RTN4: variants seen among roughly 807,000 people sequenced by gnomAD.
RTN4 encodes reticulon 4, also known as reticulon-4.
RTN4 carries 32 observed loss-of-function variants against 90.4 expected under a neutral mutation model. That is an observed-to-expected ratio of 0.35 (90% CI 0.27 to 0.48). The LOEUF is 0.48. Among genes scored for constraint, RTN4 ranks in the 20% least tolerant of loss-of-function variants. RTN4 has a pLI of 0.99. For missense variants in RTN4, 1,706 were observed against 1,430.2 expected, an observed-to-expected ratio of 1.19 and a Z score of -3.11; for synonymous variants, 629 against 552.5, an observed-to-expected ratio of 1.14 and a Z score of -1.94.
chr2:55,048,539 G>T (rs948123980), intron 1 of RTN4, among the ~76,000 whole-genome samples: 2 of 150,756 alleles, frequency 1.3e-5, no homozygotes, highest in African/African-American at 4.9e-5. Context: ...AGATACAAAC[G>T]CATTACCCTA....
intron 2 of RTN4, among the ~76,000 whole-genome samples, chr2:55,071,084 C>A (rs1292370333): frequency 6.7e-6 from 1 of 149,060 alleles, no homozygotes; most frequent in East Asian, 2.0e-4. Context: ...CCTTTTTTTT[C>A]TTCTTTTTTT....
chr2:55,119,271 C>A, the RTN4 span, among the ~76,000 whole-genome samples: 1 of 152,290 alleles, frequency 6.6e-6, no homozygotes, highest in South Asian at 2.1e-4. Flanking sequence ...ATTACTCAAT[C>A]TAAAGTTTTG....
chr2:55,034,702 G>A (rs1273493836), intron 1 of RTN4, among the ~76,000 whole-genome samples: 1 of 152,024 alleles, frequency 6.6e-6, no homozygotes, highest in Non-Finnish European at 1.5e-5. Context: ...TGGCAAAAAT[G>A]GTAAATATAT....
chr2:55,113,483 G>T (rs1668072857), upstream of RTN4, among the ~76,000 whole-genome samples: 1 of 152,222 alleles, frequency 6.6e-6, no homozygotes, highest in Admixed American at 6.5e-5. Context: ...GCTTCTGTCT[G>T]TCTCTCTGAA....
rs144607808 is a variant in RTN4, at chr2:55,016,741, G to C, written c.3013+8345C>G. Among the ~76,000 whole-genome samples the C allele has an allele frequency of 1.2e-3, 182 of 152,142 alleles. 2 individuals are homozygous for C. The highest frequency in any genetic ancestry group is 2.1e-3 in the Non-Finnish European group (141 of 67,996). On this transcript the variant is annotated intron_variant, in intron 3 of 8. Coordinates refer to ENST00000337526, the MANE Select transcript of RTN4 (RefSeq NM_020532.5). ...CAAATTTGTACAATGAGCGTGTATT[G>C]TATGTCAGACTGCTTCATAAACTGT...
At position 55,107,031 on chromosome 2, in the gene RTN4, T is replaced by G. The variant is rs556787410; in HGVS notation, c.-214+5489A>C. On this transcript the variant is annotated intron_variant, in intron 1 of 3. Coordinates refer to the RTN4 transcript ENST00000427710. ...AATTAAGCAGACCCAGCATTGGCAG[T>G]GTAGCTGTAACTTTCTGATGTTAAT... Among the ~76,000 whole-genome samples, 5 of 152,234 alleles carry G rather than the reference T, an allele frequency of 3.3e-5. 1 individual carries two copies. Among genetic ancestry groups the G allele is most frequent in the African/African-American group, 1.2e-4 (5 of 41,508 alleles).
chr2:54,994,454 T>C (rs1679261374), intron 3 of RTN4, among the ~76,000 whole-genome samples: 1 of 152,140 alleles, frequency 6.6e-6, no homozygotes, highest in South Asian at 2.1e-4. Context: ...CAATAAATCA[T>C]ATTAATAGGA....
At chr2:55,108,923 TA>T (rs1558883471) in intron 1 of RTN4, among the ~76,000 whole-genome samples, 1 of 152,068 alleles carries the variant, frequency 6.6e-6, no homozygotes, top group East Asian at 1.9e-4. Context: ...AACACATCCC[TA>T]AGGAAACTCT....
At chr2:55,016,107 G>T (rs1317636770) in intron 3 of RTN4, among the ~76,000 whole-genome samples, 2 of 152,096 alleles carry the variant, frequency 1.3e-5, no homozygotes, top group Admixed American at 1.3e-4. Flanking sequence ...TCCAACAATA[G>T]CAAAGTGACT....
At chr2:55,059,903 C>A (rs1668258907) in intron 2 of RTN4, among the ~76,000 whole-genome samples, 1 of 151,998 alleles carries the variant, frequency 6.6e-6, no homozygotes, top group Admixed American at 6.6e-5. Context: ...GTCTCTAACT[C>A]CTGGGTTCAA....
At chr2:55,087,686 A>T (rs970140890) in intron 1 of RTN4, among the ~76,000 whole-genome samples, 2 of 152,000 alleles carry the variant, frequency 1.3e-5, no homozygotes, top group Non-Finnish European at 2.9e-5. Flanking sequence ...CATCTGTGAG[A>T]CTATCTCAAG....
intron 1 of RTN4, among the ~76,000 whole-genome samples, chr2:55,044,816 C>T (rs1221326312): frequency 2.6e-5 from 3 of 114,818 alleles, no homozygotes; most frequent in East Asian, 5.8e-4. Context: ...AAAAAGACCA[C>T]AAATTTGACA....
chr2:54,979,068 T>A (rs903633376), intron 5 of RTN4, among the ~76,000 whole-genome samples: 13 of 151,224 alleles, frequency 8.6e-5, no homozygotes, highest in East Asian at 1.9e-4. Context: ...TTTTTTTTTT[T>A]AAACAGACAG....
intron 4 of RTN4, among the ~76,000 whole-genome samples, chr2:54,985,769 A>G (rs913583179): frequency 1.3e-5 from 2 of 152,186 alleles, no homozygotes; most frequent in Non-Finnish European, 2.9e-5. Context: ...ATTTAAGTTT[A>G]CCCATTAATA....
intron 2 of RTN4, among the ~76,000 whole-genome samples, chr2:55,071,087 CTTT>C (rs796664281): frequency 1.4e-5 from 2 of 139,464 alleles, no homozygotes; most frequent in South Asian, 4.6e-4. Flanking sequence ...TTTTTTTCTT[CTTT>C]TTTTTTTTTT....
In RTN4 at chr2:55,013,630, G is replaced by C. The variant is rs1034343202; in HGVS notation, c.3013+11456C>G. Among the ~76,000 whole-genome samples the C allele has an allele frequency of 7.9e-5, 10 of 127,140 alleles. 1 individual carries two copies. Among genetic ancestry groups the C allele is most frequent in the Admixed American group, 6.4e-4 (8 of 12,484 alleles). 83.4% of individuals were successfully genotyped at this position (127,140 alleles called of 152,430 possible). A position where few individuals can be genotyped will look rare whatever the true frequency, so the allele number is the denominator to read the frequency against. ...TTTTGGGGGGGGGGGAGGGTGTAGG[G>C]GGGGTGGTATCTAACTGGCAAGATT... On this transcript the variant is annotated intron_variant, in intron 3 of 8. Coordinates refer to ENST00000337526, the MANE Select transcript of RTN4 (RefSeq NM_020532.5).
chr2:55,135,631 G>C, the RTN4 span, among the ~76,000 whole-genome samples: 2 of 152,162 alleles, frequency 1.3e-5, no homozygotes, highest in Non-Finnish European at 2.9e-5. Flanking sequence ...AACTTGGTAA[G>C]TTTTGACATG....
intron 1 of RTN4, among the ~76,000 whole-genome samples, chr2:55,088,015 T>C (rs1256539192): frequency 3.3e-5 from 5 of 152,220 alleles, no homozygotes; most frequent in Non-Finnish European, 7.3e-5. Flanking sequence ...GGAACCTTAG[T>C]GTTCTTTATT....
chr2:55,082,946 G>A (rs1006318209), intron 1 of RTN4, among the ~76,000 whole-genome samples: 27 of 151,668 alleles, frequency 1.8e-4, no homozygotes, highest in African/African-American at 6.5e-4. Flanking sequence ...ACGAGACTCC[G>A]TCTCAAAAAA....
Sources: allele counts gnomAD v4.1 joint callset (sites outside exome capture counted in the v4.1 genomes callset), GRCh38; gene constraint gnomAD v4.1.1; transcripts MANE v1.5; gene names NCBI Gene and HGNC (gene_info 2026-07-23, HGNC 2026-07-21).